The following ITPA variants were observed in gnomAD, a reference collection of about 807,000 sequenced individuals.
The protein encoded by ITPA is inosine triphosphatase, also known as inosine triphosphate pyrophosphatase.
A neutral mutation model predicts 29.6 loss-of-function variants in ITPA; 29 were observed. The observed-to-expected ratio is 0.98, with a 90% CI of 0.73 to 1.34. The LOEUF (loss-of-function observed/expected upper bound fraction) is 1.34. ITPA is among the 40% of genes most tolerant of loss of function. The pLI is 0.00. For missense variants in ITPA, 241 were observed against 251.5 expected, an observed-to-expected ratio of 0.96 and a Z score of 0.28; for synonymous variants, 103 against 99.3, an observed-to-expected ratio of 1.04 and a Z score of -0.22.
At chr20:3,211,778 C>T (rs1298228373) in intron 1 of ITPA, among the ~76,000 whole-genome samples, 1 of 152,234 alleles carries the variant, frequency 6.6e-6, no homozygotes, top group Non-Finnish European at 1.5e-5. Flanking sequence ...ATGCGTGAGC[C>T]ACCGTGCCTG....
intron 6 of ITPA, 76 bp downstream of exon 6, chr20:3,218,708 C>A: frequency 8.6e-7 from 1 of 1,158,990 alleles, no homozygotes; most frequent in South Asian, 1.2e-5. Flanking sequence ...CGCCCCGAGT[C>A]TGCGGGAGGG....
chr20:3,213,992 G>T lies in ITPA; in HGVS notation c.197G>T (p.Gly66Val). 6.2e-7 allele frequency: 1 copy of T among 1,614,150 alleles called. No individual in the cohort carries two copies. Among genetic ancestry groups the T allele is most frequent in the Non-Finnish European group, 8.5e-7 (1 of 1,180,018 alleles). The change falls in exon 4 of 8, where the codon GGG becomes GTG. Residue 66 changes from glycine (G) to valine (V), a missense_variant. By Grantham distance (109) the Gly-to-Val change is moderately radical. Coordinates refer to ENST00000380113, the MANE Select transcript of ITPA (RefSeq NM_033453.4). ...TATGTCTTTGTGCTGCAGGTACAGGGGCCCGTGCTGGTTGAGGACACTTGT... is the reference window on the plus strand; with the variant it reads ...TATGTCTTTGTGCTGCAGGTACAGGTGCCCGTGCTGGTTGAGGACACTTGT... ...KCQEAVRQVQ[G>V]PVLVEDTCLC...
At chr20:3,216,030 G>A (rs946324022) in intron 5 of ITPA, among the ~76,000 whole-genome samples, 3 of 151,848 alleles carry the variant, frequency 2.0e-5, no homozygotes, top group East Asian at 1.9e-4. Flanking sequence ...TCTCACTGTC[G>A]CCCAGGCTGG....
chr20:3,212,134 G>A (rs1455393213), intron 1 of ITPA, among the ~76,000 whole-genome samples: 3 of 151,652 alleles, frequency 2.0e-5, no homozygotes, highest in African/African-American at 7.3e-5. Context: ...TTGTGCCACT[G>A]TACTCCAGCC....
chr20:3,204,503 G>C, upstream of ITPA: 1 of 1,537,428 alleles, frequency 6.5e-7, no homozygotes, highest in Non-Finnish European at 8.7e-7. Context: ...AGAAAACCCG[G>C]TACCACCAAC....
intron 6 of ITPA, among the ~76,000 whole-genome samples, chr20:3,220,238 G>A (rs1412265724): frequency 2.2e-4 from 34 of 151,698 alleles, no homozygotes; most frequent in Admixed American, 2.2e-3. Flanking sequence ...TTGTATTTTT[G>A]GTAGAGACAG....
upstream of ITPA, among the ~76,000 whole-genome samples, chr20:3,205,190 T>G (rs2067062241): frequency 6.6e-6 from 1 of 151,992 alleles, no homozygotes; most frequent in African/African-American, 2.4e-5. Context: ...CCACATAGTG[T>G]TTATGGAAAC....
chr20:3,204,634 G>T (rs377186783), upstream of ITPA: 17 of 1,575,756 alleles, frequency 1.1e-5, no homozygotes, highest in African/African-American at 2.0e-4. Context: ...CCATGACGAG[G>T]GCCTCAGTGC....
intron 4 of ITPA, chr20:3,215,067 A>G: frequency 1.8e-6 from 1 of 568,232 alleles, no homozygotes; most frequent in Non-Finnish European, 3.2e-6. Context: ...GGATTTTGCT[A>G]CGTTGTCCAA....
At chr20:3,212,214 AAAGTG>A (rs2067190863) in intron 1 of ITPA, among the ~76,000 whole-genome samples, 1 of 152,214 alleles carries the variant, frequency 6.6e-6, no homozygotes, top group Non-Finnish European at 1.5e-5. Flanking sequence ...GAAGTCAACT[AAAGTG>A]AAGTACAATT....
chr20:3,223,515 C>T lies in ITPA; in HGVS notation c.*53C>T, dbSNP rs553880142. 1,090 of 1,398,762 alleles carry T rather than the reference C, an allele frequency of 7.8e-4. 15 individuals carry two copies. In the South Asian group the frequency reaches 0.012, roughly 15 times the overall value. 86.6% of individuals were successfully genotyped at this position (1,398,762 alleles called of 1,614,324 possible). ...GCCGGGGATCTGGGGAGGGCTAGCCCAAAACCTCCCGCATCGGGCAGGCAC... is the reference window on the plus strand; with the variant it reads ...GCCGGGGATCTGGGGAGGGCTAGCCTAAAACCTCCCGCATCGGGCAGGCAC... On this transcript the variant is annotated 3_prime_UTR_variant, in exon 8 of 8. Coordinates refer to ENST00000380113, the MANE Select transcript of ITPA (RefSeq NM_033453.4).
At chr20:3,215,886 A>C (rs578262093) in intron 5 of ITPA, among the ~76,000 whole-genome samples, 3 of 151,872 alleles carry the variant, frequency 2.0e-5, no homozygotes, top group Non-Finnish European at 4.4e-5. Context: ...GGGTTTCACC[A>C]TGTTGGCCAG....
upstream of ITPA, among the ~76,000 whole-genome samples, chr20:3,205,284 G>A (rs886435802): frequency 5.3e-5 from 8 of 152,250 alleles, no homozygotes; most frequent in Middle Eastern, 3.4e-3. Context: ...GGAGGGAAGC[G>A]GGTTGGGGTT....
upstream of ITPA, among the ~76,000 whole-genome samples, chr20:3,207,128 A>G (rs111386206): frequency 0.012 from 1,843 of 152,260 alleles, 19 homozygotes; most frequent in Non-Finnish European, 0.02. Flanking sequence ...TCTCACTCAC[A>G]TCACCCAGGC....
At chr20:3,211,820 C>T (rs2067182407) in intron 1 of ITPA, among the ~76,000 whole-genome samples, 3 of 152,090 alleles carry the variant, frequency 2.0e-5, no homozygotes, top group Admixed American at 2.0e-4. Context: ...AGTGGTATGC[C>T]ATTGGCAGAC....
Position 3,223,724 on chromosome 20 carries a change from G to A in ITPA, c.*262G>A, listed in dbSNP as rs2067526926. On this transcript the variant is annotated 3_prime_UTR_variant, in exon 8 of 8. Coordinates refer to ENST00000380113, the MANE Select transcript of ITPA (RefSeq NM_033453.4). ...GCCTGGGGTCCTGAAAGGACCTTGG[G>A]TGGTAAAGCTGTACTTGGTGGGAGT... 1 of 552,760 alleles carries A rather than the reference G, an allele frequency of 1.8e-6. No homozygotes were observed. The highest frequency in any genetic ancestry group is 2.1e-5 in the South Asian group (1 of 48,632). The allele number at this position is 552,760 out of a possible 1,614,324, so 34.2% of individuals were successfully genotyped here.
At chr20:3,226,569 C>G (rs1342549947), downstream of ITPA, among the ~76,000 whole-genome samples, 1 of 152,236 alleles carries the variant, frequency 6.6e-6, no homozygotes, top group African/African-American at 2.4e-5. The surrounding 1 kb of genome is among the most constrained non-coding windows in gnomAD (Gnocchi z 4.4). Context: ...CTCGCTACTC[C>G]TGTTACGGTT....
chr20:3,212,688 C>A (rs77953656), intron 1 of ITPA, among the ~76,000 whole-genome samples: 3 of 152,146 alleles, frequency 2.0e-5, no homozygotes, highest in Non-Finnish European at 2.9e-5. Flanking sequence ...TGAGTTATAA[C>A]AACATCTGTG....
chr20:3,223,298 T>G, intron 7 of ITPA, 68 bp from the exon 8 acceptor site: 1 of 1,137,276 alleles, frequency 8.8e-7, no homozygotes, highest in Non-Finnish European at 1.3e-6. Flanking sequence ...TGAGATGAGG[T>G]AGGGTTGGGA....
Sources: allele counts gnomAD v4.1 joint callset (sites outside exome capture counted in the v4.1 genomes callset), GRCh38; gene constraint gnomAD v4.1.1; non-coding constraint Gnocchi (gnomAD v3.1); transcripts MANE v1.5; gene names NCBI Gene and HGNC (gene_info 2026-07-23, HGNC 2026-07-21).